The following MYO5B variants were observed in gnomAD, a reference collection of about 807,000 sequenced individuals.
MYO5B encodes myosin VB, also known as unconventional myosin-Vb.
In MYO5B, 143 loss-of-function variants were observed where a neutral mutation model predicts 229.3. The ratio of observed to expected loss-of-function variants is 0.62; its 90% CI spans 0.54 to 0.72. The LOEUF is 0.72. MYO5B is among the 30% of genes least tolerant of loss of function. MYO5B has a pLI of 0.00. For missense variants in MYO5B, 2,321 were observed against 2,331.0 expected, an observed-to-expected ratio of 1.00 and a Z score of 0.09; for synonymous variants, 918 against 885.2, an observed-to-expected ratio of 1.04 and a Z score of -0.66.
At chr18:49,966,322 CA>C (rs1285528387) in intron 10 of MYO5B, among the ~76,000 whole-genome samples, 2 of 152,152 alleles carry the variant, frequency 1.3e-5, no homozygotes, top group Non-Finnish European at 2.9e-5. Flanking sequence ...GTTGAAAAAA[CA>C]AGATCAAAGA....
chr18:50,193,615 C>T (rs2033258147), intron 1 of MYO5B, among the ~76,000 whole-genome samples: 1 of 152,170 alleles, frequency 6.6e-6, no homozygotes, highest in African/African-American at 2.4e-5. Context: ...TCCCGGGAAT[C>T]GCATACCCAC....
intron 14 of MYO5B, among the ~76,000 whole-genome samples, chr18:49,938,592 AC>A (rs2144215555): frequency 6.6e-6 from 1 of 151,582 alleles, no homozygotes; most frequent in East Asian, 1.9e-4. Context: ...TCTTCCTTTA[AC>A]CCCCACTTAA....
At chr18:50,139,244 G>A (rs970100478) in intron 1 of MYO5B, among the ~76,000 whole-genome samples, 1 of 152,144 alleles carries the variant, frequency 6.6e-6, no homozygotes, top group African/African-American at 2.4e-5. Context: ...GTGCGGCCAG[G>A]ACCCTCTCCC....
chr18:50,152,672 T>A (rs1031914867), intron 1 of MYO5B, among the ~76,000 whole-genome samples: 1 of 152,186 alleles, frequency 6.6e-6, no homozygotes, highest in African/African-American at 2.4e-5. Flanking sequence ...CAGGCCCAAC[T>A]GGCCTAAGAA....
intron 4 of MYO5B, among the ~76,000 whole-genome samples, chr18:50,006,835 C>A (rs977368247): frequency 1.3e-5 from 2 of 152,194 alleles, no homozygotes; most frequent in Admixed American, 6.5e-5. Flanking sequence ...ACCCAGGGAG[C>A]TCTGTTTTGA....
intron 14 of MYO5B, among the ~76,000 whole-genome samples, chr18:49,947,925 CAT>C (rs1025962773): frequency 2.6e-5 from 4 of 152,152 alleles, no homozygotes; most frequent in African/African-American, 9.7e-5. Context: ...CATCTGTATA[CAT>C]ATGTATACAT....
Position 49,878,828 on chromosome 18 carries a change from CAT to C in MYO5B, c.3276+115_3276+116del, listed in dbSNP as rs917206046. On this transcript the variant is annotated intron_variant, in intron 24 of 39. Coordinates refer to ENST00000285039, the MANE Select transcript of MYO5B (RefSeq NM_001080467.3). ...CTCTGCAGTAATGGCAAGTGCTGCA[CAT>C]ATGACACATGGACTGAGCATCACAT... The C allele has an allele frequency of 1.4e-5, 17 of 1,242,738 alleles. No homozygotes were observed. In the Admixed American group the frequency reaches 1.6e-4, roughly 12 times the overall value. 77.0% of individuals were successfully genotyped at this position (1,242,738 alleles called of 1,614,324 possible). A position where few individuals can be genotyped will look rare whatever the true frequency, so the allele number is the denominator to read the frequency against.
chr18:50,194,603 C>G (rs1196053075), intron 1 of MYO5B, among the ~76,000 whole-genome samples, 164 bp downstream of exon 1: 2 of 152,186 alleles, frequency 1.3e-5, no homozygotes, highest in African/African-American at 4.8e-5. Flanking sequence ...TCTCCGCCAA[C>G]CGAAGTTAGG....
intron 18 of MYO5B, among the ~76,000 whole-genome samples, chr18:49,907,639 G>T (rs1189377050): frequency 6.6e-6 from 1 of 152,266 alleles, no homozygotes; most frequent in East Asian, 1.9e-4. Context: ...TGCATTTCAT[G>T]TTGGCAAATG....
At chr18:49,872,450 C>T (rs1390211654) in intron 26 of MYO5B, among the ~76,000 whole-genome samples, 2 of 152,176 alleles carry the variant, frequency 1.3e-5, no homozygotes, top group African/African-American at 2.4e-5. Context: ...TCCCCACCCC[C>T]ACTTTCACTC....
chr18:50,088,002 G>A (rs2144483830), intron 1 of MYO5B, among the ~76,000 whole-genome samples: 1 of 152,168 alleles, frequency 6.6e-6, no homozygotes, highest in East Asian at 1.9e-4. Flanking sequence ...GTTAGAAAAG[G>A]TTTAGTGGAA....
chr18:50,127,830 A>C (rs899980418), intron 1 of MYO5B, among the ~76,000 whole-genome samples: 2 of 152,208 alleles, frequency 1.3e-5, no homozygotes, highest in Non-Finnish European at 2.9e-5. Context: ...TGCCCTCCCC[A>C]CTGCGGGTGG....
intron 1 of MYO5B, chr18:50,064,492 T>C (rs1347011250): frequency 1.3e-5 from 2 of 152,230 alleles, no homozygotes; most frequent in Admixed American, 6.5e-5. Context: ...AGCAATCAAG[T>C]ATATGAATTA....
chr18:50,075,974 G>A (rs1039018366), intron 1 of MYO5B, among the ~76,000 whole-genome samples: 3 of 152,230 alleles, frequency 2.0e-5, no homozygotes, highest in African/African-American at 7.2e-5. Context: ...GATTCAGAAA[G>A]TCTGACTGCA....
chr18:50,131,022 C>G (rs983974996), intron 1 of MYO5B, among the ~76,000 whole-genome samples: 3 of 152,180 alleles, frequency 2.0e-5, no homozygotes, highest in Non-Finnish European at 4.4e-5. Flanking sequence ...TGCAGCAAGC[C>G]TCTTCCTCCA....
In MYO5B at chr18:49,856,980, C is replaced by T. The variant is rs568292654; in HGVS notation, c.3945-90G>A. 25 of 1,193,378 alleles carry T rather than the reference C, an allele frequency of 2.1e-5. No individual in the cohort carries two copies. The African/African-American group carries it at 2.7e-4, about 13-fold the overall frequency. The allele number at this position is 1,193,378 out of a possible 1,614,324, so 73.9% of individuals were successfully genotyped here. A position where few individuals can be genotyped will look rare whatever the true frequency, so the allele number is the denominator to read the frequency against. ...TCCTGGAAAGTGAGGAGATTCTAGCCAAGGTTTGGAAACGAAAAAAAGGCA... is the reference window on the plus strand; with the variant it reads ...TCCTGGAAAGTGAGGAGATTCTAGCTAAGGTTTGGAAACGAAAAAAAGGCA... On this transcript the variant is annotated intron_variant, in intron 29 of 39. Transcript: ENST00000285039.
At chr18:50,045,701 A>G (rs559764655) in intron 2 of MYO5B, among the ~76,000 whole-genome samples, 2 of 152,304 alleles carry the variant, frequency 1.3e-5, no homozygotes, top group Admixed American at 1.3e-4. Context: ...CCAAGAGTTA[A>G]TATATTTTCT....
chr18:49,976,870 C>T (rs545941199), intron 9 of MYO5B, among the ~76,000 whole-genome samples: 62 of 152,348 alleles, frequency 4.1e-4, no homozygotes, highest in African/African-American at 1.2e-3. Flanking sequence ...GCCTGGGGAC[C>T]GCTTGGCAGG....
chr18:50,023,436 T>C (rs2026298618), intron 4 of MYO5B, among the ~76,000 whole-genome samples: 1 of 152,196 alleles, frequency 6.6e-6, no homozygotes, highest in Admixed American at 6.5e-5. Flanking sequence ...ACCATCATAG[T>C]ATGAAGCTAT....
Sources: gnomAD v4.1 joint callset for allele counts (sites outside exome capture counted in the v4.1 genomes callset) on GRCh38, gnomAD v4.1.1 for gene constraint, MANE v1.5 for transcripts, NCBI Gene and HGNC (gene_info 2026-07-23, HGNC 2026-07-21) for gene names.